PMFBP1: variants seen among roughly 807,000 people sequenced by gnomAD.
PMFBP1 encodes the protein polyamine modulated factor 1 binding protein 1.
A neutral mutation model predicts 137.8 loss-of-function variants in PMFBP1; 131 were observed. That is an observed-to-expected ratio of 0.95 (90% CI 0.82 to 1.10). The LOEUF is 1.10. Ranked by LOEUF, PMFBP1 falls within the 50% of genes least tolerant of loss-of-function variation. The pLI, the probability that PMFBP1 is intolerant of heterozygous loss-of-function variation, is 0.00. For missense variants in PMFBP1, 1,199 were observed against 1,175.4 expected, an observed-to-expected ratio of 1.02 and a Z score of -0.29; for synonymous variants, 490 against 450.4, an observed-to-expected ratio of 1.09 and a Z score of -1.11.
the PMFBP1 span, among the ~76,000 whole-genome samples, chr16:72,215,010 A>T: frequency 6.6e-6 from 1 of 152,224 alleles, no homozygotes; most frequent in Non-Finnish European, 1.5e-5. Context: ...GGTGAAAAAG[A>T]TTAGACATGG....
intron 3 of PMFBP1, among the ~76,000 whole-genome samples, chr16:72,157,938 G>A (rs980341662): frequency 2.0e-5 from 3 of 152,166 alleles, no homozygotes; most frequent in African/African-American, 4.8e-5. Context: ...ATGGTCATCC[G>A]TAACAGATGA....
upstream of PMFBP1, among the ~76,000 whole-genome samples, chr16:72,173,307 T>C (rs1262397812): frequency 1.3e-5 from 2 of 152,322 alleles, no homozygotes; most frequent in East Asian, 1.9e-4. Context: ...AACAAATGTA[T>C]CCTTGAGAAT....
the PMFBP1 span, among the ~76,000 whole-genome samples, chr16:72,249,514 T>G: frequency 5.3e-5 from 8 of 152,170 alleles, no homozygotes; most frequent in Non-Finnish European, 1.2e-4. Flanking sequence ...GATATGTTTA[T>G]TCTTTCATTC....
chr16:72,146,192 C>G (rs1351579606), intron 5 of PMFBP1, among the ~76,000 whole-genome samples: 2 of 152,206 alleles, frequency 1.3e-5, no homozygotes, highest in African/African-American at 4.8e-5. Flanking sequence ...AAGTCGGCTT[C>G]ATCTTTGGGA....
At chr16:72,161,562 T>A (rs1597488760) in intron 3 of PMFBP1, among the ~76,000 whole-genome samples, 1 of 151,982 alleles carries the variant, frequency 6.6e-6, no homozygotes, top group African/African-American at 2.4e-5. Flanking sequence ...ACATTCACTT[T>A]AAAAAAAGTA....
chr16:72,164,085 G>A (rs541065367), intron 3 of PMFBP1, among the ~76,000 whole-genome samples: 65 of 152,068 alleles, frequency 4.3e-4, no homozygotes, highest in African/African-American at 1.4e-3. Context: ...AAAAAGGTGT[G>A]TCATCAAGTC....
chr16:72,218,558 G>A, the PMFBP1 span, among the ~76,000 whole-genome samples: 1 of 152,076 alleles, frequency 6.6e-6, no homozygotes, highest in Non-Finnish European at 1.5e-5. Flanking sequence ...TGGGATTACA[G>A]GTGTGAGCCA....
At chr16:72,208,348 A>AAATCACAGACC in the PMFBP1 span, among the ~76,000 whole-genome samples, 4 of 151,756 alleles carry the variant, frequency 2.6e-5, no homozygotes, top group Non-Finnish European at 5.9e-5. Flanking sequence ...AGAAGCAGAA[A>AAATCACAGACC]AATCTGAATG....
the PMFBP1 span, among the ~76,000 whole-genome samples, chr16:72,200,005 G>A: frequency 6.6e-6 from 1 of 152,262 alleles, no homozygotes; most frequent in Non-Finnish European, 1.5e-5. Context: ...GCGATGCAGT[G>A]AATTTTATAT....
the PMFBP1 span, among the ~76,000 whole-genome samples, chr16:72,191,178 C>T: frequency 2.8e-4 from 43 of 152,136 alleles, no homozygotes; most frequent in Non-Finnish European, 5.6e-4. Context: ...CCCTATATTC[C>T]TGCTACTTTA....
chr16:72,208,904 C>G, the PMFBP1 span, among the ~76,000 whole-genome samples: 1 of 152,188 alleles, frequency 6.6e-6, no homozygotes, highest in Non-Finnish European at 1.5e-5. Flanking sequence ...TGGTCCCCAT[C>G]TGATCAGTGC....
chr16:72,150,593 T>G lies in PMFBP1; in HGVS notation c.636+15A>C. The G allele has an allele frequency of 6.2e-7, 1 of 1,611,250 alleles. No homozygotes were observed. The highest frequency in any genetic ancestry group is 8.5e-7 in the Non-Finnish European group (1 of 1,178,972). On this transcript the variant is annotated intron_variant, in intron 5 of 20. Coordinates refer to ENST00000237353, the MANE Select transcript of PMFBP1 (RefSeq NM_031293.3). ...ATCCACTTGCCTGGATTGAATGGCC[T>G]GACTTAAGTCCTACCTGACCCATGA...
At chr16:72,180,325 G>A (rs1368975333), upstream of PMFBP1, among the ~76,000 whole-genome samples, 1 of 152,160 alleles carries the variant, frequency 6.6e-6, no homozygotes, top group Non-Finnish European at 1.5e-5. Flanking sequence ...ATTGTAGTGA[G>A]CCCAGAGCCA....
chr16:72,191,360 A>G, the PMFBP1 span, among the ~76,000 whole-genome samples: 2 of 152,260 alleles, frequency 1.3e-5, no homozygotes, highest in Non-Finnish European at 2.9e-5. Flanking sequence ...TCTTCCAGAA[A>G]GGTCAGGCAC....
chr16:72,221,459 C>T, the PMFBP1 span, among the ~76,000 whole-genome samples: 8 of 152,060 alleles, frequency 5.3e-5, no homozygotes, highest in Admixed American at 3.9e-4. Flanking sequence ...AGAAAGCAGA[C>T]GTGGAGATTA....
chr16:72,143,857 A>G (rs1181846236), intron 5 of PMFBP1, among the ~76,000 whole-genome samples: 2 of 151,992 alleles, frequency 1.3e-5, no homozygotes, highest in African/African-American at 4.8e-5. Context: ...CCTGACCAAC[A>G]TGGAGAAACA....
the PMFBP1 span, among the ~76,000 whole-genome samples, chr16:72,243,342 C>G: frequency 1.3e-5 from 2 of 152,216 alleles, no homozygotes; most frequent in Non-Finnish European, 2.9e-5. Flanking sequence ...TGCTGCAGCA[C>G]TTTGGGAGGA....
the PMFBP1 span, among the ~76,000 whole-genome samples, chr16:72,240,744 C>G: frequency 6.6e-6 from 1 of 152,258 alleles, no homozygotes; most frequent in Non-Finnish European, 1.5e-5. Flanking sequence ...AGTCACTTCT[C>G]TGTTATGTCA....
At chr16:72,212,481 T>TG in the PMFBP1 span, among the ~76,000 whole-genome samples, 2 of 139,690 alleles carry the variant, frequency 1.4e-5, no homozygotes, top group African/African-American at 2.8e-5. Flanking sequence ...CGGGTTGTAT[T>TG]GGAAAAAAAA....
Sources: gnomAD v4.1 joint callset for allele counts (sites outside exome capture counted in the v4.1 genomes callset) on GRCh38, gnomAD v4.1.1 for gene constraint, MANE v1.5 for transcripts, NCBI Gene and HGNC (gene_info 2026-07-23, HGNC 2026-07-21) for gene names.